The following KCND2 variants were observed in gnomAD, a reference collection of about 807,000 sequenced individuals.
KCND2 encodes the protein A-type voltage-gated potassium channel KCND2.
A neutral mutation model predicts 54.4 loss-of-function variants in KCND2; 16 were observed. The observed-to-expected ratio is 0.29, with a 90% confidence interval of 0.20 to 0.45. The LOEUF (loss-of-function observed/expected upper bound fraction) is 0.45, where lower values mean the gene tolerates loss of function less well. KCND2 is among the 20% of genes least tolerant of loss of function. The pLI is 1.00. For missense variants in KCND2, 486 were observed against 824.2 expected (o/e 0.59, Z 5.02); for synonymous variants, 317 against 310.7 (o/e 1.02, Z -0.21).
intron 1 of KCND2, among the ~76,000 whole-genome samples, chr7:120,574,010 C>T (rs1792396981): frequency 6.6e-6 from 1 of 152,052 alleles, no homozygotes; most frequent in Non-Finnish European, 1.5e-5. Flanking sequence ...CACTTTTGTC[C>T]CTGTGCTAGT....
At chr7:120,728,298 TTA>T (rs1562921795) in intron 1 of KCND2, among the ~76,000 whole-genome samples, 3 of 148,244 alleles carry the variant, frequency 2.0e-5, no homozygotes, top group African/African-American at 7.4e-5. Flanking sequence ...TTTTTTTTTT[TTA>T]AAAATTTTGA....
chr7:120,417,826 AAG>A (rs1297193328), intron 1 of KCND2, among the ~76,000 whole-genome samples: 3 of 152,302 alleles, frequency 2.0e-5, no homozygotes, highest in African/African-American at 4.8e-5. Context: ...CAAGAGTTCA[AAG>A]AGAGAAAAAG....
chr7:120,501,582 T>G (rs1802936090), intron 1 of KCND2, among the ~76,000 whole-genome samples: 1 of 152,164 alleles, frequency 6.6e-6, no homozygotes. Flanking sequence ...AAACTGAAAT[T>G]ATTTGTAAAA....
chr7:120,372,232 G>A (rs1317612353), intron 1 of KCND2, among the ~76,000 whole-genome samples: 1 of 151,776 alleles, frequency 6.6e-6, no homozygotes, highest in South Asian at 2.1e-4. Flanking sequence ...TTCAAGTACT[G>A]TTTTGCTAGA....
chr7:120,606,121 T>G (rs1242217438), intron 1 of KCND2, among the ~76,000 whole-genome samples: 1 of 152,174 alleles, frequency 6.6e-6, no homozygotes, highest in Non-Finnish European at 1.5e-5. Flanking sequence ...CTTTGAGGCC[T>G]CCCCAGCCAT....
chr7:120,625,878 A>C (rs1793157962), intron 1 of KCND2, among the ~76,000 whole-genome samples: 1 of 152,064 alleles, frequency 6.6e-6, no homozygotes. Context: ...CCTTGATAAA[A>C]AATTTTGTCC....
rs1215140838 is a variant in KCND2, at chr7:120,616,901, A to G, written c.1116-116002A>G. Among the ~76,000 whole-genome samples, 3 of 152,108 alleles carry G rather than the reference A, an allele frequency of 2.0e-5. No individual in the cohort carries two copies. In the East Asian group the frequency reaches 5.8e-4, roughly 29 times the overall value. On this transcript the variant is annotated intron_variant, in intron 1 of 5. Transcript: ENST00000331113. ...TTCCTTCTCTGCCCTCTGTGTTCTC[A>G]GTTCCACCCTGTTTCCTTGATTTCT...
chr7:120,730,992 C>T (rs941146102), intron 1 of KCND2, among the ~76,000 whole-genome samples: 5 of 152,184 alleles, frequency 3.3e-5, no homozygotes, highest in Non-Finnish European at 4.4e-5. Flanking sequence ...GCATTGAGCT[C>T]TCCAAAGCCC....
chr7:120,625,607 T>G (rs1326638119), intron 1 of KCND2, among the ~76,000 whole-genome samples: 1 of 152,102 alleles, frequency 6.6e-6, no homozygotes, highest in Non-Finnish European at 1.5e-5. Context: ...AGTTATTACT[T>G]GTGGAATTTT....
chr7:120,420,890 G>A (rs974882964), intron 1 of KCND2, among the ~76,000 whole-genome samples: 2 of 152,094 alleles, frequency 1.3e-5, no homozygotes, highest in Non-Finnish European at 2.9e-5. Flanking sequence ...ATAAAATCAT[G>A]AGCTCTATGT....
At chr7:120,352,722 T>C (rs1288561362) in intron 1 of KCND2, among the ~76,000 whole-genome samples, 1 of 152,130 alleles carries the variant, frequency 6.6e-6, no homozygotes, top group Admixed American at 6.6e-5. Context: ...TTACAATGTA[T>C]TTTAAACTGG....
chr7:120,386,969 C>G (rs1355744853), intron 1 of KCND2, among the ~76,000 whole-genome samples: 4 of 152,086 alleles, frequency 2.6e-5, no homozygotes, highest in African/African-American at 7.2e-5. Context: ...ACCACTCTAA[C>G]AAAATTAACT....
At chr7:120,640,360 G>T (rs972202355) in intron 1 of KCND2, among the ~76,000 whole-genome samples, 1 of 152,106 alleles carries the variant, frequency 6.6e-6, no homozygotes, top group African/African-American at 2.4e-5. Flanking sequence ...ATGTCAATAG[G>T]CTTCTTGAAC....
chr7:120,324,764 G>A (rs1178706932), intron 1 of KCND2, among the ~76,000 whole-genome samples: 1 of 152,040 alleles, frequency 6.6e-6, no homozygotes, highest in Admixed American at 6.5e-5. Flanking sequence ...TTTGGCTTAG[G>A]ATTGACTTGG....
Position 120,629,707 on chromosome 7 carries a change from C to T in KCND2, c.1116-103196C>T, listed in dbSNP as rs572006087. Among the ~76,000 whole-genome samples, 3 of 152,220 alleles carry T rather than the reference C, an allele frequency of 2.0e-5. No individual in the cohort carries two copies. In the East Asian group the frequency reaches 5.8e-4, roughly 29 times the overall value. On this transcript the variant is annotated intron_variant, in intron 1 of 5. Coordinates refer to ENST00000331113, the MANE Select transcript of KCND2 (RefSeq NM_012281.3). ...TTCAAGTGTGAGCAGTATTGGCTGA[C>T]ATTGGTAATGCAGTTGGAATGGTTA... is the stretch of plus-strand genomic sequence containing the variant.
intron 1 of KCND2, among the ~76,000 whole-genome samples, chr7:120,600,300 A>C (rs1792798494): frequency 6.6e-6 from 1 of 151,984 alleles, no homozygotes; most frequent in African/African-American, 2.4e-5. Context: ...GTAAGTCTTA[A>C]AGAAATTCAT....
chr7:120,434,865 A>G (rs1316849568), intron 1 of KCND2, among the ~76,000 whole-genome samples: 51 of 152,246 alleles, frequency 3.3e-4, no homozygotes, highest in Admixed American at 3.3e-3. Flanking sequence ...ACCCTAAAAT[A>G]GCATTTCCCA....
In KCND2 at chr7:120,273,787, G is replaced by C. The variant is rs1799123394; in HGVS notation, c.-846G>C. 2 of 152,838 alleles carry C rather than the reference G, an allele frequency of 1.3e-5. No homozygotes were observed. Among genetic ancestry groups the C allele is most frequent in the Admixed American group, 1.3e-4 (2 of 15,286 alleles). The allele number at this position is 152,838 out of a possible 1,614,324, so 9.5% of individuals were successfully genotyped here. ...CAGGTATGTACCGCGGGAGCGGCGCGTTCTGCGCGGAAGCAGATGCTGCTG... is the reference window on the plus strand; with the variant it reads ...CAGGTATGTACCGCGGGAGCGGCGCCTTCTGCGCGGAAGCAGATGCTGCTG... On this transcript the variant is annotated 5_prime_UTR_variant, in exon 1 of 6. Transcript: ENST00000331113.
At chr7:120,729,755 A>C (rs901155666) in intron 1 of KCND2, among the ~76,000 whole-genome samples, 2 of 152,106 alleles carry the variant, frequency 1.3e-5, no homozygotes, top group African/African-American at 4.8e-5. Context: ...GCAAATACTC[A>C]CCTGTGTTTT....
Sources: allele counts gnomAD v4.1 joint callset (sites outside exome capture counted in the v4.1 genomes callset), GRCh38; gene constraint gnomAD v4.1.1; transcripts MANE v1.5; gene names NCBI Gene and HGNC (gene_info 2026-07-23, HGNC 2026-07-21).